Variants in OCA2 observed in about 807,000 individuals in gnomAD.
OCA2 encodes P protein.
In OCA2, 77 loss-of-function variants were observed where a neutral mutation model predicts 100.2. That is an observed-to-expected ratio of 0.77 (90% CI 0.64 to 0.93). The LOEUF is 0.93. Among genes scored for constraint, OCA2 ranks in the 40% least tolerant of loss-of-function variants. The pLI is 0.00. For synonymous variants in OCA2, 432 were observed against 439.2 expected (o/e 0.98, Z 0.21); for missense variants, 1,062 against 1,089.1 (o/e 0.98, Z 0.35).
chr15:27,987,650 A>C (rs529180944), intron 11 of OCA2, among the ~76,000 whole-genome samples: 2 of 151,674 alleles, frequency 1.3e-5, no homozygotes, highest in Non-Finnish European at 2.9e-5. Context: ...AATGGCATGA[A>C]CCCAGGACGG....
At chr15:27,943,067 GCTC>G (rs2039706505) in intron 18 of OCA2, among the ~76,000 whole-genome samples, 1 of 152,118 alleles carries the variant, frequency 6.6e-6, no homozygotes, top group Non-Finnish European at 1.5e-5. Flanking sequence ...TCCAGTAAGA[GCTC>G]CTCATTTCTT....
intron 23 of OCA2, among the ~76,000 whole-genome samples, chr15:27,778,608 G>T (rs1014965696): frequency 6.6e-6 from 1 of 151,712 alleles, no homozygotes; most frequent in African/African-American, 2.4e-5. Context: ...AAAAAAAAAA[G>T]ATGTGGTCCT....
At chr15:27,727,349 A>G in the OCA2 span, among the ~76,000 whole-genome samples, 36 of 152,342 alleles carry the variant, frequency 2.4e-4, no homozygotes, top group Admixed American at 2.1e-3. Context: ...TAAAGCTGTT[A>G]CAGAAGTGGT....
intron 9 of OCA2, among the ~76,000 whole-genome samples, chr15:27,993,037 T>C (rs958818046): frequency 1.3e-5 from 2 of 152,090 alleles, no homozygotes; most frequent in Non-Finnish European, 2.9e-5. Flanking sequence ...GGTGGGAGAA[T>C]TGCTTGAGCC....
intron 1 of OCA2, among the ~76,000 whole-genome samples, chr15:28,096,369 G>C (rs1218592205): frequency 6.6e-6 from 1 of 152,168 alleles, no homozygotes; most frequent in Admixed American, 6.5e-5. Context: ...GTGACTGTGA[G>C]CCGGAGGCGT....
chr15:27,908,606 T>C (rs2038267669), intron 19 of OCA2, among the ~76,000 whole-genome samples: 1 of 152,122 alleles, frequency 6.6e-6, no homozygotes, highest in Non-Finnish European at 1.5e-5. Context: ...AGCCAGATCA[T>C]AAGGGGAAAA....
chr15:28,008,651 G>A (rs935586632), intron 9 of OCA2, among the ~76,000 whole-genome samples: 2 of 152,228 alleles, frequency 1.3e-5, no homozygotes, highest in Non-Finnish European at 2.9e-5. Flanking sequence ...AACTACTGGC[G>A]AGTGTGCCCT....
At chr15:27,780,760 C>G (rs1343143176) in intron 23 of OCA2, among the ~76,000 whole-genome samples, 5 of 152,198 alleles carry the variant, frequency 3.3e-5, no homozygotes, top group Non-Finnish European at 5.9e-5. Context: ...AACCAGTGTT[C>G]TGAGGCGATA....
At chr15:27,833,330 T>C (rs918095420) in intron 23 of OCA2, among the ~76,000 whole-genome samples, 1 of 152,222 alleles carries the variant, frequency 6.6e-6, no homozygotes, top group African/African-American at 2.4e-5. Context: ...CTGGCCACAT[T>C]TGGGTCATCC....
Position 27,957,135 on chromosome 15 carries a change from C to T in OCA2, c.1784+453G>A, listed in dbSNP as rs559636544. On this transcript the variant is annotated intron_variant, in intron 16 of 23. Transcript: ENST00000354638. The surrounding 1 kb of genome is among the most constrained non-coding windows in gnomAD (Gnocchi z 4.3). ...TTTAAATCTCAGCTTCAATTAACAA[C>T]GAATGCCAGGAAACAAATTGAGTGG... Among the ~76,000 whole-genome samples, 9 of 152,310 alleles carry T rather than the reference C, an allele frequency of 5.9e-5. No homozygotes were observed. Among genetic ancestry groups the T allele is most frequent in the Non-Finnish European group, 1.2e-4 (8 of 68,016 alleles).
chr15:28,014,680 A>G, intron 9 of OCA2, 96 bp downstream of exon 9: 3 of 1,338,878 alleles, frequency 2.2e-6, no homozygotes, highest in Non-Finnish European at 3.1e-6. Context: ...AGTTTGATTA[A>G]GGAGTCAGGA....
the OCA2 span, among the ~76,000 whole-genome samples, chr15:27,746,076 T>C: frequency 1.3e-5 from 2 of 152,234 alleles, no homozygotes; most frequent in Non-Finnish European, 2.9e-5. Context: ...CTCTTGAGAC[T>C]GTGCTTCAGG....
chr15:27,876,008 A>C (rs539899200), intron 19 of OCA2, among the ~76,000 whole-genome samples: 1 of 152,124 alleles, frequency 6.6e-6, no homozygotes, highest in East Asian at 1.9e-4. Context: ...TCTGTGCTTT[A>C]TTTCTTTATA....
At chr15:28,091,673 C>T (rs918697800) in intron 1 of OCA2, among the ~76,000 whole-genome samples, 11 of 152,142 alleles carry the variant, frequency 7.2e-5, no homozygotes, top group Admixed American at 1.3e-4. Flanking sequence ...GGAAAGCACC[C>T]GGCCCTGCAC....
chr15:27,973,179 TTTTCAG>T (rs1452561432), intron 14 of OCA2, among the ~76,000 whole-genome samples: 24 of 152,288 alleles, frequency 1.6e-4, no homozygotes, highest in African/African-American at 5.8e-4. Flanking sequence ...CTGCATTAGC[TTTTCAG>T]TTTAATTAGA....
the OCA2 span, among the ~76,000 whole-genome samples, chr15:27,746,610 G>A: frequency 6.6e-6 from 1 of 152,174 alleles, no homozygotes; most frequent in African/African-American, 2.4e-5. Context: ...CAACTCCTCT[G>A]CAACTGGTTA....
At chr15:27,875,242 G>GA (rs2036739949) in intron 19 of OCA2, among the ~76,000 whole-genome samples, 1 of 152,184 alleles carries the variant, frequency 6.6e-6, no homozygotes, top group South Asian at 2.1e-4. Flanking sequence ...ACCATTTGTT[G>GA]AAAAAATGTT....
At chr15:28,074,484 C>T (rs11853230) in intron 2 of OCA2, among the ~76,000 whole-genome samples, 11,169 of 152,046 alleles carry the variant, frequency 0.073, 1,315 homozygotes, top group African/African-American at 0.26. Context: ...ACCATCCTGG[C>T]GAACATGGTG....
chr15:27,956,736 G>A (rs951487471), intron 16 of OCA2, among the ~76,000 whole-genome samples: 2 of 152,290 alleles, frequency 1.3e-5, no homozygotes, highest in African/African-American at 4.8e-5. Context: ...GATGGGTCCC[G>A]GACCGGGGAT....
Sources: gnomAD v4.1 joint callset for allele counts (sites outside exome capture counted in the v4.1 genomes callset) on GRCh38, gnomAD v4.1.1 for gene constraint, Gnocchi (gnomAD v3.1) non-coding constraint, MANE v1.5 for transcripts, NCBI Gene and HGNC (gene_info 2026-07-23, HGNC 2026-07-21) for gene names.